Variants in SMIM10L3 observed in about 807,000 individuals in gnomAD.
SMIM10L3 encodes the protein small integral membrane protein 10 like 3.
chr7:6,330,849 T>C, the SMIM10L3 span: 4 of 1,614,224 alleles, frequency 2.5e-6, no homozygotes, highest in South Asian at 2.2e-5. Context: ...AACCCACGGC[T>C]GTGCTCGGAG....
chr7:6,336,068 G>C, the SMIM10L3 span, among the ~76,000 whole-genome samples: 1 of 151,836 alleles, frequency 6.6e-6, no homozygotes, highest in Admixed American at 6.6e-5. Flanking sequence ...AGCTACTCAG[G>C]AGGCTGAGGC....
At chr7:6,348,848 G>A in the SMIM10L3 span, 1 of 391,966 alleles carries the variant, frequency 2.6e-6, no homozygotes, top group Non-Finnish European at 4.5e-6. Flanking sequence ...TGCTCAGGGA[G>A]CGAAGGAGGC....
At chr7:6,337,030 T>C in the SMIM10L3 span, among the ~76,000 whole-genome samples, 2 of 152,102 alleles carry the variant, frequency 1.3e-5, no homozygotes, top group African/African-American at 4.8e-5. Context: ...ACGGAAGGAT[T>C]CCTAAATATA....
the SMIM10L3 span, among the ~76,000 whole-genome samples, chr7:6,335,410 G>A: frequency 6.6e-6 from 1 of 151,574 alleles, no homozygotes; most frequent in Non-Finnish European, 1.5e-5. Context: ...TGTATTTTTA[G>A]TAGAGATGGT....
chr7:6,347,827 G>A, the SMIM10L3 span, among the ~76,000 whole-genome samples: 13 of 151,348 alleles, frequency 8.6e-5, no homozygotes, highest in African/African-American at 3.1e-4. Flanking sequence ...GCCAAGATGG[G>A]AGGATCTCTT....
the SMIM10L3 span, chr7:6,331,052 G>T: frequency 1.2e-5 from 20 of 1,613,718 alleles, no homozygotes; most frequent in Non-Finnish European, 1.7e-5. Flanking sequence ...GGGCCCTCCG[G>T]CATTCTTTTC....
chr7:6,344,707 C>T, the SMIM10L3 span, among the ~76,000 whole-genome samples: 2,870 of 152,142 alleles, frequency 0.019, 43 homozygotes, highest in East Asian at 0.053. Context: ...GGTTGAGTCA[C>T]GGCACCTGGC....
chr7:6,347,856 C>G, the SMIM10L3 span, among the ~76,000 whole-genome samples: 2 of 149,920 alleles, frequency 1.3e-5, no homozygotes, highest in Non-Finnish European at 3.0e-5. Flanking sequence ...GAGTTCGAGA[C>G]CAGCCTGGGC....
chr7:6,347,067 CTG>C, the SMIM10L3 span, among the ~76,000 whole-genome samples: 2 of 152,182 alleles, frequency 1.3e-5, no homozygotes, highest in African/African-American at 4.8e-5. Flanking sequence ...TGGGTTCTGA[CTG>C]TAATCCTAGT....
At chr7:6,331,191 G>T in the SMIM10L3 span, 231 of 1,577,966 alleles carry the variant, frequency 1.5e-4, 2 homozygotes, top group African/African-American at 2.8e-3. Context: ...CTGAGGTCAC[G>T]CCTTCGTCAG....
At chr7:6,329,446 TTTTA>T in the SMIM10L3 span, 3 of 152,464 alleles carry the variant, frequency 2.0e-5, no homozygotes, top group African/African-American at 7.2e-5. Context: ...AAAGAACAAA[TTTTA>T]TTTTTCATTT....
At chr7:6,341,022 C>T in the SMIM10L3 span, among the ~76,000 whole-genome samples, 3 of 131,230 alleles carry the variant, frequency 2.3e-5, no homozygotes, top group East Asian at 4.7e-4. Flanking sequence ...TGGGAACCTA[C>T]AGTCCCAGCT....
chr7:6,341,459 A>C, the SMIM10L3 span, among the ~76,000 whole-genome samples: 2 of 142,438 alleles, frequency 1.4e-5, no homozygotes, highest in African/African-American at 5.7e-5. Flanking sequence ...TAATAATAAT[A>C]ATTATTATTA....
the SMIM10L3 span, chr7:6,330,918 G>A: frequency 1.7e-5 from 28 of 1,614,218 alleles, 1 homozygote; most frequent in Middle Eastern, 3.3e-4. Flanking sequence ...GCACTGGGCC[G>A]CCACTGTGAA....
the SMIM10L3 span, among the ~76,000 whole-genome samples, chr7:6,338,859 G>T: frequency 6.6e-6 from 1 of 152,160 alleles, no homozygotes; most frequent in South Asian, 2.1e-4. Context: ...GTCCCAAAGG[G>T]GAGAAGACAC....
At chr7:6,333,268 G>A in the SMIM10L3 span, among the ~76,000 whole-genome samples, 1 of 152,050 alleles carries the variant, frequency 6.6e-6, no homozygotes, top group Non-Finnish European at 1.5e-5. Flanking sequence ...TTTAGAGAAA[G>A]AGACCTCGGG....
At chr7:6,331,297 C>G in the SMIM10L3 span, 1 of 738,972 alleles carries the variant, frequency 1.4e-6, no homozygotes, top group African/African-American at 1.8e-5. Flanking sequence ...AGAGCATCTA[C>G]ACCCACCAAA....
At chr7:6,346,402 T>C in the SMIM10L3 span, among the ~76,000 whole-genome samples, 2 of 152,210 alleles carry the variant, frequency 1.3e-5, no homozygotes, top group Admixed American at 1.3e-4. Context: ...AGAATCTTAC[T>C]GTCGCCCAGG....
the SMIM10L3 span, among the ~76,000 whole-genome samples, chr7:6,332,962 A>C: frequency 6.6e-6 from 1 of 152,036 alleles, no homozygotes; most frequent in Non-Finnish European, 1.5e-5. Flanking sequence ...AGTTCGAGAC[A>C]AGCATGGTCA....
Sources: gnomAD v4.1 joint callset for allele counts (sites outside exome capture counted in the v4.1 genomes callset) on GRCh38, gnomAD v4.1.1 for gene constraint, MANE v1.5 for transcripts, NCBI Gene and HGNC (gene_info 2026-07-23, HGNC 2026-07-21) for gene names.